PUM1: variants seen among roughly 807,000 people sequenced by gnomAD.
PUM1 encodes the protein pumilio RNA binding family member 1, also known as pumilio homolog 1.
Under a neutral mutation model 131.8 loss-of-function variants are expected in PUM1, and 13 were observed. The ratio of observed to expected loss-of-function variants is 0.10; its 90% CI spans 0.06 to 0.16. The LOEUF is 0.16. PUM1 is among the 10% of genes least tolerant of loss of function. The pLI is 1.00. For missense variants in PUM1, 961 were observed against 1,512.4 expected, an observed-to-expected ratio of 0.64 and a Z score of 6.05; for synonymous variants, 509 against 556.5, an observed-to-expected ratio of 0.91 and a Z score of 1.20.
chr1:31,060,353 C>T (rs373358105), intron 1 of PUM1, among the ~76,000 whole-genome samples: 2 of 151,284 alleles, frequency 1.3e-5, no homozygotes, highest in Admixed American at 6.6e-5. Context: ...CCCAGCTACT[C>T]GGGAGGCTGA....
At chr1:31,062,255 A>G (rs1434286979) in intron 1 of PUM1, among the ~76,000 whole-genome samples, 1 of 152,202 alleles carries the variant, frequency 6.6e-6, no homozygotes, top group Non-Finnish European at 1.5e-5. Flanking sequence ...ATGAAACACT[A>G]AAGTTCCTTA....
intron 2 of PUM1, among the ~76,000 whole-genome samples, chr1:31,038,817 GA>G (rs1237539019): frequency 3.3e-5 from 5 of 151,318 alleles, no homozygotes; most frequent in Admixed American, 1.3e-4. Context: ...CAAATCATGA[GA>G]AATATGGGCA....
intron 12 of PUM1, 57 bp downstream of exon 12, chr1:30,967,110 C>A: frequency 6.3e-7 from 1 of 1,597,840 alleles, no homozygotes; most frequent in South Asian, 1.1e-5. Context: ...TTAAGAATCT[C>A]ACTATCAGTC....
chr1:31,005,072 G>A (rs548676293), intron 5 of PUM1, among the ~76,000 whole-genome samples: 7 of 152,238 alleles, frequency 4.6e-5, no homozygotes, highest in East Asian at 3.9e-4. Context: ...GACAACAGTC[G>A]CAGAATTCAA....
chr1:30,995,170 G>C lies in PUM1; in HGVS notation c.771C>G (p.Asn257Lys), dbSNP rs747104019. Residue 257 changes from asparagine (N) to lysine (K), a missense_variant, in exon 6 of 22, where the codon AAC becomes AAG. Around this residue, in one of 4 missense-constraint regions of PUM1, gnomAD observed 654 missense variants for 923.9 expected, o/e 0.71. Transcript: ENST00000426105. ...GCTTATCTCCATCAAACGTACCCTT[G>C]TTCTTCTTTTCACCTTTGTCGTTTT... ...SDENDKGEKK[N>K]KGTFDGDKLG... The C allele has an allele frequency of 6.2e-7, 1 of 1,614,102 alleles. No individual in the cohort carries two copies. The highest frequency in any genetic ancestry group is 2.2e-5 in the East Asian group (1 of 44,882).
intron 2 of PUM1, among the ~76,000 whole-genome samples, chr1:31,039,222 ATTT>A (rs1321020031): frequency 4.5e-5 from 5 of 111,928 alleles, no homozygotes; most frequent in African/African-American, 1.7e-4. Context: ...CAAAAAAAAA[ATTT>A]TTTTTTTTTT....
chr1:31,030,237 A>G lies in PUM1; in HGVS notation c.364-1373T>C, dbSNP rs116162907. Among the ~76,000 whole-genome samples, 793 of 152,098 alleles carry G rather than the reference A, an allele frequency of 5.2e-3. 6 individuals are homozygous for G. Among genetic ancestry groups the G allele is most frequent in the African/African-American group, 0.018 (733 of 41,486 alleles). On this transcript the variant is annotated intron_variant, in intron 2 of 21. Coordinates refer to ENST00000426105, the MANE Select transcript of PUM1 (RefSeq NM_001020658.2). ...AAAAAACAAAACAAAAAAAAGATGTAGGCTTTGCTCTTCTGCCTACATGAA... is the reference window on the plus strand; with the variant it reads ...AAAAAACAAAACAAAAAAAAGATGTGGGCTTTGCTCTTCTGCCTACATGAA...
At chr1:31,057,719 C>A (rs1644275397) in intron 2 of PUM1, among the ~76,000 whole-genome samples, 1 of 95,268 alleles carries the variant, frequency 1.0e-5, no homozygotes. Context: ...AGCGAGACTC[C>A]ATCTCAAAAA....
At chr1:31,065,442 T>C (rs1481517253) in intron 1 of PUM1, among the ~76,000 whole-genome samples, 174 bp downstream of exon 1, 1 of 150,226 alleles carries the variant, frequency 6.7e-6, no homozygotes, top group African/African-American at 2.5e-5. Context: ...GCCTTGCTGC[T>C]GACTCCAAAA....
chr1:31,040,698 G>A (rs1038597776), intron 2 of PUM1, among the ~76,000 whole-genome samples: 1 of 152,042 alleles, frequency 6.6e-6, no homozygotes. Flanking sequence ...TTGAGGCCAG[G>A]AGTTCAAGTC....
intron 18 of PUM1, among the ~76,000 whole-genome samples, 175 bp downstream of exon 18, chr1:30,945,171 C>T (rs759422936): frequency 1.3e-5 from 2 of 151,854 alleles, no homozygotes; most frequent in Non-Finnish European, 2.9e-5. Flanking sequence ...CAGTTCAAGG[C>T]TGTAGTGAGC....
chr1:30,947,700 A>G (rs1192600496), intron 17 of PUM1, among the ~76,000 whole-genome samples: 1 of 152,212 alleles, frequency 6.6e-6, no homozygotes, highest in Non-Finnish European at 1.5e-5. Context: ...GAAGACTGCA[A>G]GTCACATCAA....
intron 10 of PUM1, among the ~76,000 whole-genome samples, chr1:30,972,267 AGAAGGGAAGGGAAGGGAAGG>A (rs142906505): frequency 1.4e-3 from 7 of 4,918 alleles, no homozygotes; most frequent in African/African-American, 3.7e-3. Context: ...AGAAAAGAAA[AGAAGGGAAGGGAAGGGAAGG>A]GGAGGGGAGG....
intron 5 of PUM1, among the ~76,000 whole-genome samples, chr1:31,003,790 G>A (rs757198513): frequency 6.6e-6 from 1 of 152,030 alleles, no homozygotes; most frequent in Non-Finnish European, 1.5e-5. Context: ...AGTTCACTGA[G>A]CCACAGGTCT....
intron 3 of PUM1, among the ~76,000 whole-genome samples, chr1:31,012,966 T>A (rs528850195): frequency 2.0e-4 from 31 of 152,314 alleles, no homozygotes; most frequent in African/African-American, 7.2e-4. Context: ...ACCTATTGTG[T>A]ACAATGAAAG....
chr1:31,055,493 C>A, intron 2 of PUM1: 1 of 424,502 alleles, frequency 2.4e-6, no homozygotes, highest in Admixed American at 2.6e-5. Context: ...GAAAAGTAAC[C>A]TGTGGGTGGT....
intron 15 of PUM1, among the ~76,000 whole-genome samples, chr1:30,952,771 C>G (rs999872942): frequency 6.7e-6 from 1 of 150,302 alleles, no homozygotes; most frequent in African/African-American, 2.4e-5. Flanking sequence ...TGACTTTTTT[C>G]CTTTAGAAAC....
chr1:30,948,362 T>C (rs1639769286), intron 17 of PUM1, among the ~76,000 whole-genome samples: 1 of 151,888 alleles, frequency 6.6e-6, no homozygotes, highest in South Asian at 2.1e-4. Context: ...AATTTGCATC[T>C]AGAGAAGAGT....
intron 18 of PUM1, among the ~76,000 whole-genome samples, chr1:30,942,737 G>T (rs1639508050): frequency 6.6e-6 from 1 of 152,166 alleles, no homozygotes; most frequent in Non-Finnish European, 1.5e-5. Context: ...CTGGATGCTT[G>T]CCAAGTGTAA....
Sources: gnomAD v4.1 joint callset for allele counts (sites outside exome capture counted in the v4.1 genomes callset) on GRCh38, gnomAD v4.1.1 for gene constraint, gnomAD v4.1.1 regional missense constraint, MANE v1.5 for transcripts, NCBI Gene and HGNC (gene_info 2026-07-23, HGNC 2026-07-21) for gene names.